SLC5A10: variants seen among roughly 807,000 people sequenced by gnomAD.
SLC5A10 encodes the protein solute carrier family 5 member 10, also known as sodium/mannose cotransporter SLC5A10.
Under a neutral mutation model 68.9 loss-of-function variants are expected in SLC5A10, and 55 were observed. The observed-to-expected ratio is 0.80, with a 90% confidence interval of 0.64 to 1.00. The LOEUF (loss-of-function observed/expected upper bound fraction) is 1.00, where lower values mean the gene tolerates loss of function less well. SLC5A10 is among the 50% of genes least tolerant of loss of function. The pLI, the probability that SLC5A10 is intolerant of heterozygous loss-of-function variation, is 0.00. For synonymous variants in SLC5A10, 344 were observed against 344.8 expected (o/e 1.00, Z 0.02); for missense variants, 732 against 819.3 (o/e 0.89, Z 1.30).
At chr17:18,969,271 C>T (rs1005630030) in intron 6 of SLC5A10, 71 bp from the exon 7 acceptor site, 1 of 1,586,282 alleles carries the variant, frequency 6.3e-7, no homozygotes, top group African/African-American at 1.3e-5. Flanking sequence ...GCAGGAGCCC[C>T]AGAAGTTCCT....
At chr17:18,998,073 C>A (rs1381211150) in intron 9 of SLC5A10, among the ~76,000 whole-genome samples, 1 of 152,240 alleles carries the variant, frequency 6.6e-6, no homozygotes, top group African/African-American at 2.4e-5. Context: ...CTTCCCACCA[C>A]CCCACATGGC....
Position 18,996,942 on chromosome 17 carries a change from A to G in SLC5A10, c.983-16468A>G, listed in dbSNP as rs2043584880. The stretch of plus-strand genomic sequence containing the variant: ...CTGCCATGCCTTCCCTGGGTGGCCC[A>G]TGGCGGGTCACTTCCCACTCTAAGC... On this transcript the variant is annotated intron_variant, in intron 9 of 14. Transcript: ENST00000395645. The surrounding 1 kb of genome is among the most constrained non-coding windows in gnomAD (Gnocchi z 4.4). 6.6e-6 allele frequency among the ~76,000 whole-genome samples: 1 copy of G among 152,224 alleles called. No homozygotes were observed. Among genetic ancestry groups the G allele is most frequent in the Admixed American group, 6.5e-5 (1 of 15,284 alleles).
rs958684629 is a variant in SLC5A10, at chr17:19,000,695, G to A, written c.983-12715G>A. On this transcript the variant is annotated intron_variant, in intron 9 of 14. Coordinates refer to ENST00000395645, the MANE Select transcript of SLC5A10 (RefSeq NM_001042450.4). The surrounding 1 kb of genome is among the most constrained non-coding windows in gnomAD (Gnocchi z 5.2). ...GGAAGGGGCCAGTGTGCGGCAAGGCGGCCCAGGCAGAGGGATCCCCATCCT... is the reference window on the plus strand; with the variant it reads ...GGAAGGGGCCAGTGTGCGGCAAGGCAGCCCAGGCAGAGGGATCCCCATCCT... Among the ~76,000 whole-genome samples, 1 of 152,112 alleles carries A rather than the reference G, an allele frequency of 6.6e-6. No individual in the cohort carries two copies. Among genetic ancestry groups the A allele is most frequent in the African/African-American group, 2.4e-5 (1 of 41,414 alleles).
chr17:19,011,592 AC>A (rs1320466190), intron 9 of SLC5A10, among the ~76,000 whole-genome samples: 2 of 151,768 alleles, frequency 1.3e-5, no homozygotes, highest in Non-Finnish European at 1.5e-5. Flanking sequence ...GAGAGGATGG[AC>A]AGGAGGCTGG....
At chr17:18,952,803 A>G (rs1384607019) in intron 1 of SLC5A10, among the ~76,000 whole-genome samples, 1 of 152,180 alleles carries the variant, frequency 6.6e-6, no homozygotes, top group Non-Finnish European at 1.5e-5. Flanking sequence ...GCCCTAGATC[A>G]TAAGCCGGTT....
intron 10 of SLC5A10, among the ~76,000 whole-genome samples, chr17:19,014,837 C>G (rs1238983316): frequency 6.6e-6 from 1 of 152,170 alleles, no homozygotes; most frequent in Non-Finnish European, 1.5e-5. Context: ...CAGCCAGCTC[C>G]GAAGTCCCCA....
In SLC5A10 at chr17:19,003,403, G is replaced by A; in HGVS notation, c.983-10007G>A. On this transcript the variant is annotated intron_variant, in intron 9 of 14. Transcript: ENST00000395645. This position sits in a 1 kb window ranked among gnomAD's most constrained non-coding sequence, Gnocchi z 4.5. ...ACCCAAGAGGCAGCCAGGGAAAACA[G>A]CAGAGATCCCTAGAAGCCCATGTTG... 1 of 1,136,810 alleles carries A rather than the reference G, an allele frequency of 8.8e-7. No homozygotes were observed. Among genetic ancestry groups the A allele is most frequent in the Non-Finnish European group, 1.2e-6 (1 of 855,908 alleles). 70.4% of individuals were successfully genotyped at this position (1,136,810 alleles called of 1,614,324 possible).
At chr17:19,015,961 G>A (rs563614149) in intron 11 of SLC5A10, among the ~76,000 whole-genome samples, 5 of 152,192 alleles carry the variant, frequency 3.3e-5, no homozygotes, top group Middle Eastern at 3.4e-3. Context: ...TCCATCACCC[G>A]AGTGGTATAC....
chr17:18,977,285 A>G (rs2043004207), intron 9 of SLC5A10: 1 of 579,130 alleles, frequency 1.7e-6, no homozygotes, highest in African/African-American at 1.9e-5. Flanking sequence ...CCCATCTGGC[A>G]GGTGCCATCA....
At chr17:18,959,053 G>A (rs1384899701) in intron 2 of SLC5A10, 82 bp from the exon 3 acceptor site, 12 of 1,371,964 alleles carry the variant, frequency 8.7e-6, no homozygotes, top group African/African-American at 1.4e-5. Context: ...AGGTTTGTGA[G>A]GATGAGGGAG....
chr17:18,981,843 G>C (rs538546005), intron 9 of SLC5A10, among the ~76,000 whole-genome samples: 1 of 152,344 alleles, frequency 6.6e-6, no homozygotes, highest in South Asian at 2.1e-4. Context: ...AGGACAATTA[G>C]CGCTCGTGAC....
intron 9 of SLC5A10, among the ~76,000 whole-genome samples, chr17:18,992,328 G>T (rs536119002): frequency 3.0e-4 from 45 of 152,238 alleles, no homozygotes; most frequent in Admixed American, 2.9e-3. Flanking sequence ...AGAGGGGAGG[G>T]CACTGGTCCA....
rs1344649708 is a variant in SLC5A10 at position 19,004,761 on chromosome 17, C to G, written c.983-8649C>G. ...ACACGCGGCGGCTGCGGCGGCGGCG[C>G]GAGGCTGGGCGGGGGCGCGCCGGTG... On this transcript the variant is annotated intron_variant, in intron 9 of 14. Transcript: ENST00000395645. This position sits in a 1 kb window ranked among gnomAD's most constrained non-coding sequence, Gnocchi z 5.4. 1 of 149,824 alleles carries G rather than the reference C, an allele frequency of 6.7e-6. No individual in the cohort carries two copies. Among genetic ancestry groups the G allele is most frequent in the Non-Finnish European group, 1.5e-5 (1 of 67,088 alleles). 9.3% of individuals were successfully genotyped at this position (149,824 alleles called of 1,614,324 possible).
chr17:18,995,122 A>C (rs1438957527), intron 9 of SLC5A10, among the ~76,000 whole-genome samples: 22 of 152,256 alleles, frequency 1.4e-4, no homozygotes, highest in Admixed American at 1.4e-3. Context: ...CCAATTAAAA[A>C]TTACCAGACA....
intron 9 of SLC5A10, among the ~76,000 whole-genome samples, chr17:18,992,018 G>A (rs999332163): frequency 1.3e-5 from 2 of 152,106 alleles, no homozygotes; most frequent in Non-Finnish European, 2.9e-5. Context: ...GCAGGGATGT[G>A]GGCACTCCTC....
Position 19,003,749 on chromosome 17 carries a change from C to A in SLC5A10, c.983-9661C>A. On this transcript the variant is annotated intron_variant, in intron 9 of 14. Coordinates refer to ENST00000395645, the MANE Select transcript of SLC5A10 (RefSeq NM_001042450.4). The surrounding 1 kb of genome is among the most constrained non-coding windows in gnomAD (Gnocchi z 4.5). The stretch of plus-strand genomic sequence containing the variant: ...CCCATCCGCCCCGCTGGCTTCCTCG[C>A]CGTCGCCGACCCCATTGTCCTCGGG... The A allele has an allele frequency of 6.2e-7, 1 of 1,605,460 alleles. No homozygotes were observed. Among genetic ancestry groups the A allele is most frequent in the Non-Finnish European group, 8.5e-7 (1 of 1,176,032 alleles).
rs573695592 is a variant in SLC5A10 at position 18,969,931 on chromosome 17, G to A, written c.640+509G>A. The A allele has an allele frequency of 4.1e-4, 63 of 153,710 alleles. 1 individual carries two copies. Among genetic ancestry groups the A allele is most frequent in the Non-Finnish European group, 8.4e-4 (58 of 69,032 alleles). 9.5% of individuals were successfully genotyped at this position (153,710 alleles called of 1,614,324 possible). On this transcript the variant is annotated intron_variant, in intron 7 of 14. Coordinates refer to ENST00000395645, the MANE Select transcript of SLC5A10 (RefSeq NM_001042450.4). ...AGATAGGAAACTCACAGGGCTGCCCGGAGAGAGCGTGAGCTCACCGTCCCT... is the reference window on the plus strand; with the variant it reads ...AGATAGGAAACTCACAGGGCTGCCCAGAGAGAGCGTGAGCTCACCGTCCCT...
chr17:19,005,030 C>T (rs58094480), intron 9 of SLC5A10, among the ~76,000 whole-genome samples: 2,424 of 152,330 alleles, frequency 0.016, 59 homozygotes, highest in African/African-American at 0.055. Flanking sequence ...AGCCTTGGCA[C>T]CCCCCTGTGC....
At chr17:18,980,802 C>T (rs955666381) in intron 9 of SLC5A10, among the ~76,000 whole-genome samples, 2 of 152,110 alleles carry the variant, frequency 1.3e-5, no homozygotes, top group Non-Finnish European at 2.9e-5. Context: ...AAGAAATGCT[C>T]CTGGGTGCCC....
Sources: allele counts gnomAD v4.1 joint callset (sites outside exome capture counted in the v4.1 genomes callset), GRCh38; gene constraint gnomAD v4.1.1; non-coding constraint Gnocchi (gnomAD v3.1); transcripts MANE v1.5; gene names NCBI Gene and HGNC (gene_info 2026-07-23, HGNC 2026-07-21).